Variants in TOGARAM2 observed in about 807,000 individuals in gnomAD.
The protein encoded by TOGARAM2 is TOG array regulator of axonemal microtubules 2.
A neutral mutation model predicts 93.3 loss-of-function variants in TOGARAM2; 85 were observed. That is an observed-to-expected ratio of 0.91 (90% CI 0.76 to 1.09). TOGARAM2 has a LOEUF of 1.09. Among genes scored for constraint, TOGARAM2 ranks in the 50% least tolerant of loss-of-function variants. The probability of loss-of-function intolerance (pLI) is 0.00; values close to 1 mark genes in which losing one functional copy is unlikely to be tolerated. For missense variants in TOGARAM2, 1,277 were observed against 1,334.5 expected, an observed-to-expected ratio of 0.96 and a Z score of 0.67; for synonymous variants, 593 against 552.8, an observed-to-expected ratio of 1.07 and a Z score of -1.02.
intron 15 of TOGARAM2, 141 bp downstream of exon 15, chr2:29,033,192 GA>G (rs1665879100): frequency 1.4e-6 from 1 of 727,452 alleles, no homozygotes; most frequent in African/African-American, 1.8e-5. Flanking sequence ...TGATAGGTGA[GA>G]TAGATGTGAT....
chr2:29,039,408 GA>G (rs1666300924), intron 18 of TOGARAM2, among the ~76,000 whole-genome samples: 1 of 152,206 alleles, frequency 6.6e-6, no homozygotes, highest in Non-Finnish European at 1.5e-5. Flanking sequence ...AGGGGATCAA[GA>G]ATAATGCCAA....
rs1032384851 is a variant in TOGARAM2 at position 28,994,952 on chromosome 2, G to A, written c.28+90G>A. 6 of 1,482,654 alleles carry A rather than the reference G, an allele frequency of 4.0e-6. No individual in the cohort carries two copies. The African/African-American group carries it at 5.6e-5, about 14-fold the overall frequency. 91.8% of individuals were successfully genotyped at this position (1,482,654 alleles called of 1,614,324 possible). A position where few individuals can be genotyped will look rare whatever the true frequency, so the allele number is the denominator to read the frequency against. On this transcript the variant is annotated intron_variant, in intron 2 of 19. Coordinates refer to ENST00000379558, the MANE Select transcript of TOGARAM2 (RefSeq NM_199280.4). Reference sequence around the variant, plus strand: ...TCCCAAGGGCCAGAAAAAGGGAGATGTGGGGATAAAGGGCTGCTGGGAGAT... The same window carrying A: ...TCCCAAGGGCCAGAAAAAGGGAGATATGGGGATAAAGGGCTGCTGGGAGAT...
chr2:29,019,198 T>TA (rs1553341644), intron 10 of TOGARAM2, among the ~76,000 whole-genome samples: 5 of 143,668 alleles, frequency 3.5e-5, no homozygotes, highest in African/African-American at 1.1e-4. Flanking sequence ...TTTTTTTTTT[T>TA]ATGACAGAGT....
At chr2:28,976,625 G>A (rs951801780), upstream of TOGARAM2, among the ~76,000 whole-genome samples, 3 of 152,176 alleles carry the variant, frequency 2.0e-5, no homozygotes, top group Non-Finnish European at 4.4e-5. Flanking sequence ...GGGCAGCTGG[G>A]GCCAGAAGCA....
At chr2:29,022,130 G>A (rs759951485) in intron 10 of TOGARAM2, 28 bp from the exon 11 acceptor site, 3 of 1,613,742 alleles carry the variant, frequency 1.9e-6, no homozygotes, top group African/African-American at 1.3e-5. Context: ...GCTGCGTGAA[G>A]CCTGCTGTTT....
intron 1 of TOGARAM2, among the ~76,000 whole-genome samples, chr2:28,964,988 C>G (rs770519935): frequency 6.6e-6 from 1 of 152,094 alleles, no homozygotes; most frequent in Non-Finnish European, 1.5e-5. Flanking sequence ...GATTTATATT[C>G]CTTTGGGTAT....
intron 2 of TOGARAM2, among the ~76,000 whole-genome samples, chr2:28,995,450 G>C (rs1672945366): frequency 6.6e-6 from 1 of 152,222 alleles, no homozygotes; most frequent in Non-Finnish European, 1.5e-5. Context: ...CATTTGGAAG[G>C]AAGGCAGAGA....
intron 12 of TOGARAM2, 123 bp from the exon 13 acceptor site, chr2:29,024,016 C>T (rs374799467): frequency 2.6e-6 from 2 of 774,056 alleles, no homozygotes. Flanking sequence ...TCCAGCGTGG[C>T]AAGGCCTAGG....
chr2:28,966,521 C>T (rs1244766980), intron 1 of TOGARAM2, among the ~76,000 whole-genome samples: 1 of 151,946 alleles, frequency 6.6e-6, no homozygotes, highest in Non-Finnish European at 1.5e-5. Context: ...TGGTCTTGAT[C>T]TCCTGACTTC....
intron 18 of TOGARAM2, among the ~76,000 whole-genome samples, chr2:29,043,077 G>C (rs949850336): frequency 7.9e-5 from 12 of 152,220 alleles, no homozygotes; most frequent in African/African-American, 2.7e-4. Context: ...CCAGGTAAAT[G>C]ATGGGGTGGG....
At chr2:28,987,753 C>A (rs1672534088) in intron 1 of TOGARAM2, among the ~76,000 whole-genome samples, 1 of 152,218 alleles carries the variant, frequency 6.6e-6, no homozygotes. Flanking sequence ...ATTAACCCCA[C>A]CTGATCTCAC....
At position 29,003,527 on chromosome 2, in the gene TOGARAM2, T is replaced by A. The variant is rs1472341106; in HGVS notation, c.675T>A (p.Asp225Glu). ...CCTGGCAATACCTGCACTGCAATGA[T>A]GAGAAGATGCAGAAGTCCCTGGGCG... ...QISWQYLHCN[D>E]EKMQKSLGAI... The change falls in exon 6 of 20, where the codon GAT (aspartate) becomes GAA (glutamate). Residue 225 changes from aspartate (D) to glutamate (E), a missense_variant. By Grantham distance (45) the Asp-to-Glu change is conservative. Transcript: ENST00000379558. 1.3e-6 allele frequency: 2 copies of A among 1,585,460 alleles called. No homozygotes were observed. The highest frequency in any genetic ancestry group is 1.2e-5 in the South Asian group (1 of 86,592).
rs5830098 is a variant in TOGARAM2 at position 29,035,150 on chromosome 2, C to CAA, written c.2226-294_2226-293dup. 7.3e-4 allele frequency among the ~76,000 whole-genome samples: 75 copies of CAA among 102,488 alleles called. 7 individuals carry two copies. Among genetic ancestry groups the CAA allele is most frequent in the East Asian group, 2.0e-3 (5 of 2,540 alleles). 67.2% of individuals were successfully genotyped at this position (102,488 alleles called of 152,430 possible). ...GGGCAGCAAGAGCGAGACTCTGCCT[C>CAA]AAAAAAAAAAAAAAAAAAAAATGTG... is the stretch of plus-strand genomic sequence containing the variant. On this transcript the variant is annotated intron_variant, in intron 16 of 19. Coordinates refer to ENST00000379558, the MANE Select transcript of TOGARAM2 (RefSeq NM_199280.4).
chr2:29,036,649 C>A lies in TOGARAM2; in HGVS notation c.2527C>A (p.Pro843Thr). ...CCCCCTCCTCAGAGAGAGCTTACACCCCATGCTGCTCTCCATCATCATCAC... is the reference window on the plus strand; with the variant it reads ...CCCCCTCCTCAGAGAGAGCTTACACACCATGCTGCTCTCCATCATCATCAC... ...MIPLLRESLH[P>T]MLLSIIITVA... Residue 843 changes from proline to threonine, a missense_variant, in exon 18 of 20, where the codon CCC becomes ACC. Transcript: ENST00000379558. The A allele has an allele frequency of 6.2e-7, 1 of 1,613,904 alleles. No individual in the cohort carries two copies. Among genetic ancestry groups the A allele is most frequent in the Non-Finnish European group, 8.5e-7 (1 of 1,179,862 alleles).
intron 8 of TOGARAM2, 149 bp downstream of exon 8, chr2:29,014,710 C>G (rs977548346): frequency 3.3e-5 from 32 of 975,134 alleles, no homozygotes; most frequent in South Asian, 3.1e-4. Context: ...TACTAAAGGC[C>G]AGAACCTGCA....
chr2:29,001,111 A>C (rs1179343254), intron 4 of TOGARAM2, among the ~76,000 whole-genome samples: 1 of 152,032 alleles, frequency 6.6e-6, no homozygotes, highest in Non-Finnish European at 1.5e-5. Flanking sequence ...TGGCCCCTGC[A>C]TTGAGGCTGA....
intron 13 of TOGARAM2, 136 bp from the exon 14 acceptor site, chr2:29,026,717 C>T (rs776849286): frequency 5.6e-5 from 52 of 929,340 alleles, no homozygotes; most frequent in Admixed American, 1.1e-4. Flanking sequence ...CCCCTCAGCT[C>T]ACATGGGGAC....
chr2:28,969,315 C>T (rs1189700552), intron 1 of TOGARAM2, among the ~76,000 whole-genome samples: 1 of 152,156 alleles, frequency 6.6e-6, no homozygotes, highest in Non-Finnish European at 1.5e-5. Context: ...AGGGCTTTGC[C>T]CAAGGCCACA....
chr2:29,038,063 C>A (rs1039369828), intron 18 of TOGARAM2, among the ~76,000 whole-genome samples: 3 of 152,114 alleles, frequency 2.0e-5, no homozygotes, highest in African/African-American at 4.8e-5. Context: ...GGAATTGTGG[C>A]GCTTTGGGCA....
Sources: gnomAD v4.1 joint callset for allele counts (sites outside exome capture counted in the v4.1 genomes callset) on GRCh38, gnomAD v4.1.1 for gene constraint, MANE v1.5 for transcripts, NCBI Gene and HGNC (gene_info 2026-07-23, HGNC 2026-07-21) for gene names.